The following RAD51B variants were observed in gnomAD, a reference collection of about 807,000 sequenced individuals.
The protein encoded by RAD51B is RAD51 paralog B, also known as DNA repair protein RAD51 homolog 2.
In RAD51B, 38 loss-of-function variants were observed where a neutral mutation model predicts 42.2. That is an observed-to-expected ratio of 0.90 (90% confidence interval 0.70 to 1.18). RAD51B has a LOEUF of 1.18. Among genes scored for constraint, RAD51B ranks in the 50% most tolerant of loss-of-function variants. The pLI, the probability that RAD51B is intolerant of heterozygous loss-of-function variation, is 0.00. For missense variants in RAD51B, 373 were observed against 400.7 expected (o/e 0.93, Z 0.59); for synonymous variants, 154 against 145.2 (o/e 1.06, Z -0.43).
At chr14:68,061,053 CTTTTTTTTT>C (rs755916680) in intron 7 of RAD51B, among the ~76,000 whole-genome samples, 5 of 101,290 alleles carry the variant, frequency 4.9e-5, no homozygotes, top group African/African-American at 7.7e-5. Context: ...TATTTGAGGT[CTTTTTTTTT>C]TTTTTTTTTT....
intron 9 of RAD51B, chr14:68,422,276 G>T: frequency 1.4e-6 from 1 of 734,442 alleles, no homozygotes; most frequent in South Asian, 1.4e-5. Flanking sequence ...ATTAGGGGTA[G>T]AGGAGGTTGG....
intron 7 of RAD51B, among the ~76,000 whole-genome samples, chr14:67,975,085 A>G (rs1471234292): frequency 2.6e-5 from 4 of 152,196 alleles, no homozygotes; most frequent in African/African-American, 9.7e-5. Context: ...TAGCCGCTTT[A>G]AACAATGAAC....
intron 7 of RAD51B, among the ~76,000 whole-genome samples, chr14:68,065,002 T>G (rs912608444): frequency 2.0e-5 from 3 of 152,222 alleles, no homozygotes; most frequent in Non-Finnish European, 2.9e-5. Flanking sequence ...TGGGGAATTG[T>G]GTCTCATTGG....
chr14:68,179,728 C>T (rs2079024706), intron 7 of RAD51B, among the ~76,000 whole-genome samples: 1 of 151,912 alleles, frequency 6.6e-6, no homozygotes, highest in Non-Finnish European at 1.5e-5. Context: ...TTGAAAAATG[C>T]TCTTCTATGT....
intron 7 of RAD51B, among the ~76,000 whole-genome samples, chr14:68,070,241 T>C (rs1381812064): frequency 6.6e-6 from 1 of 152,206 alleles, no homozygotes; most frequent in Non-Finnish European, 1.5e-5. Context: ...GTCTGTTTAC[T>C]CTGTTTACAG....
chr14:68,233,836 T>TA (rs2080193946), intron 7 of RAD51B, among the ~76,000 whole-genome samples: 1 of 152,194 alleles, frequency 6.6e-6, no homozygotes, highest in Non-Finnish European at 1.5e-5. Flanking sequence ...ATACATTTTT[T>TA]ATGAATTGTA....
chr14:68,073,535 T>C (rs2140472888), intron 7 of RAD51B, among the ~76,000 whole-genome samples: 1 of 152,328 alleles, frequency 6.6e-6, no homozygotes, highest in South Asian at 2.1e-4. Flanking sequence ...ATGGTTAATA[T>C]TGATATGTGC....
At chr14:68,326,759 A>G (rs1177120149) in intron 8 of RAD51B, among the ~76,000 whole-genome samples, 1 of 152,236 alleles carries the variant, frequency 6.6e-6, no homozygotes. Flanking sequence ...TGTGTCAGCC[A>G]GGATGCCATC....
chr14:68,656,142 G>A (rs1029149775), intron 11 of RAD51B, among the ~76,000 whole-genome samples: 2 of 152,156 alleles, frequency 1.3e-5, no homozygotes, highest in African/African-American at 4.8e-5. Context: ...CCATGTACAA[G>A]GGGCTCGGGC....
intron 7 of RAD51B, among the ~76,000 whole-genome samples, chr14:67,985,677 G>A (rs958754035): frequency 6.6e-6 from 1 of 152,068 alleles, no homozygotes; most frequent in Admixed American, 6.5e-5. Flanking sequence ...GGGAAACCAA[G>A]GCGGGGTAGA....
chr14:68,387,575 T>C (rs766885128), intron 8 of RAD51B, among the ~76,000 whole-genome samples: 22 of 152,236 alleles, frequency 1.4e-4, no homozygotes, highest in African/African-American at 4.6e-4. Context: ...CTGTCTCTTT[T>C]TATTGCATGT....
At chr14:68,138,846 C>T (rs1282841865) in intron 7 of RAD51B, among the ~76,000 whole-genome samples, 1 of 152,152 alleles carries the variant, frequency 6.6e-6, no homozygotes, top group African/African-American at 2.4e-5. Flanking sequence ...TTTCTATCTT[C>T]ATTCAATCTA....
chr14:68,072,102 A>G (rs956758711), intron 7 of RAD51B, among the ~76,000 whole-genome samples: 1 of 106,126 alleles, frequency 9.4e-6, no homozygotes, highest in Non-Finnish European at 1.9e-5. Flanking sequence ...TATAATATAT[A>G]AAATATAAAA....
intron 7 of RAD51B, among the ~76,000 whole-genome samples, chr14:67,944,370 G>T (rs888774590): frequency 6.6e-6 from 1 of 151,880 alleles, no homozygotes; most frequent in African/African-American, 2.4e-5. Flanking sequence ...ATTTATGAGG[G>T]TTTTGTTTGT....
At chr14:68,270,164 C>T (rs1449677331) in intron 7 of RAD51B, among the ~76,000 whole-genome samples, 2 of 152,246 alleles carry the variant, frequency 1.3e-5, no homozygotes, top group Non-Finnish European at 2.9e-5. Flanking sequence ...TAGTTTGTTA[C>T]ATGCCCTGCG....
rs116120132 is a variant in RAD51B at position 67,928,649 on chromosome 14, C to G, written c.756+41445C>G. On this transcript the variant is annotated intron_variant, in intron 7 of 10. Transcript: ENST00000471583. ...TGTGGTGACAAGGAGAAGAGGGCAG[C>G]AATCGCCATGTTGGCCATGTTGGGT... Among the ~76,000 whole-genome samples the G allele has an allele frequency of 8.8e-3, 1,340 of 152,148 alleles. 21 individuals are homozygous for G. Among genetic ancestry groups the G allele is most frequent in the African/African-American group, 0.03 (1,261 of 41,488 alleles).
At position 68,050,475 on chromosome 14, in the gene RAD51B, C is replaced by T. The variant is rs1452564089; in HGVS notation, c.756+163271C>T. ...TTCATAGCATTGCATAATATATTTT[C>T]ATGTAATACAGTTTTGAATCCTACA... is the stretch of plus-strand genomic sequence containing the variant. On this transcript the variant is annotated intron_variant, in intron 7 of 10. Coordinates refer to ENST00000471583, the MANE Select transcript of RAD51B (RefSeq NM_133510.4). Among the ~76,000 whole-genome samples the T allele has an allele frequency of 5.3e-5, 8 of 152,118 alleles. No homozygotes were observed. The East Asian group carries it at 1.4e-3, about 26-fold the overall frequency.
At chr14:68,465,958 ATAAATAAATAAAT>A (rs1566900155) in intron 9 of RAD51B, among the ~76,000 whole-genome samples, 4 of 109,550 alleles carry the variant, frequency 3.7e-5, no homozygotes, top group Admixed American at 9.5e-5. Flanking sequence ...AAAAAAATAA[ATAAATAAATAAAT>A]AAATAAATAA....
intron 4 of RAD51B, among the ~76,000 whole-genome samples, chr14:67,844,510 A>G (rs753215011): frequency 3.3e-5 from 5 of 150,862 alleles, no homozygotes; most frequent in Non-Finnish European, 5.9e-5. Flanking sequence ...TGCTTTATGA[A>G]CCTGGGTGCT....
Sources: allele counts gnomAD v4.1 joint callset (sites outside exome capture counted in the v4.1 genomes callset), GRCh38; gene constraint gnomAD v4.1.1; transcripts MANE v1.5; gene names NCBI Gene and HGNC (gene_info 2026-07-23, HGNC 2026-07-21).